Variants in LRRC7 observed in about 807,000 individuals in gnomAD.
The protein encoded by LRRC7 is leucine-rich repeat-containing protein 7.
Under a neutral mutation model 175.7 loss-of-function variants are expected in LRRC7, and 23 were observed. The observed-to-expected ratio is 0.13, with a 90% confidence interval of 0.09 to 0.19. LRRC7 has a LOEUF of 0.19. LRRC7 is among the 10% of genes least tolerant of loss of function. LRRC7 has a pLI of 1.00. For synonymous variants in LRRC7, 685 were observed against 680.9 expected, an observed-to-expected ratio of 1.01 and a Z score of -0.09; for missense variants, 1,354 against 1,904.7, an observed-to-expected ratio of 0.71 and a Z score of 5.38.
intron 2 of LRRC7, among the ~76,000 whole-genome samples, chr1:69,717,836 A>AGGG (rs1665670428): frequency 1.5e-5 from 1 of 66,950 alleles, no homozygotes; most frequent in African/African-American, 7.4e-5. Flanking sequence ...GAAAGAAAGA[A>AGGG]AGAAAAAAGA....
At chr1:69,824,871 C>A (rs1428455016) in intron 4 of LRRC7, among the ~76,000 whole-genome samples, 1 of 152,134 alleles carries the variant, frequency 6.6e-6, no homozygotes, top group Non-Finnish European at 1.5e-5. Flanking sequence ...GTACTGCAGG[C>A]ATATCGCATA....
chr1:69,686,965 A>C (rs1661225762), intron 2 of LRRC7, among the ~76,000 whole-genome samples: 1 of 152,222 alleles, frequency 6.6e-6, no homozygotes, highest in African/African-American at 2.4e-5. Flanking sequence ...TATTAATATC[A>C]AGATAAAGGT....
At chr1:69,947,909 G>A (rs911215602) in intron 8 of LRRC7, among the ~76,000 whole-genome samples, 6 of 152,034 alleles carry the variant, frequency 3.9e-5, no homozygotes, top group African/African-American at 9.7e-5. Context: ...TTATGCAAAT[G>A]TGATCTCTCT....
intron 24 of LRRC7, among the ~76,000 whole-genome samples, chr1:70,087,002 A>G (rs905616030): frequency 8.5e-5 from 13 of 152,308 alleles, no homozygotes; most frequent in Admixed American, 6.5e-4. Context: ...AGTAGTCACA[A>G]TACAACCTAT....
chr1:69,768,938 T>C (rs932461545), intron 3 of LRRC7, among the ~76,000 whole-genome samples: 1 of 152,190 alleles, frequency 6.6e-6, no homozygotes, highest in African/African-American at 2.4e-5. Flanking sequence ...CAAGATGTCA[T>C]GGAATGTGCT....
chr1:69,958,393 G>A (rs1401718235), intron 8 of LRRC7, among the ~76,000 whole-genome samples: 1 of 151,958 alleles, frequency 6.6e-6, no homozygotes, highest in Non-Finnish European at 1.5e-5. Flanking sequence ...GTGTGAATGG[G>A]AGATAAGGAA....
chr1:69,911,966 A>G (rs1343102313), intron 7 of LRRC7, among the ~76,000 whole-genome samples: 1 of 152,206 alleles, frequency 6.6e-6, no homozygotes, highest in Non-Finnish European at 1.5e-5. Context: ...TAAGAAAACA[A>G]CACAGTATAA....
chr1:70,134,027 G>A lies in LRRC7; in HGVS notation c.*12140G>A, dbSNP rs542503828. Among the ~76,000 whole-genome samples, 2 of 152,228 alleles carry A rather than the reference G, an allele frequency of 1.3e-5. No homozygotes were observed. The highest frequency in any genetic ancestry group is 4.2e-4 in the South Asian group (2 of 4,808). The stretch of plus-strand genomic sequence containing the variant: ...CCAATCTGAATATGTGTGCATCTGG[G>A]TATAGCTTTATTTCCATCTGGCAAT... On this transcript the variant is annotated 3_prime_UTR_variant, in exon 27 of 27. Transcript: ENST00000651989.
intron 7 of LRRC7, among the ~76,000 whole-genome samples, chr1:69,925,974 G>A (rs1445126882): frequency 4.6e-5 from 7 of 151,076 alleles, no homozygotes; most frequent in Non-Finnish European, 3.0e-5. Flanking sequence ...TGCTTTGAAT[G>A]TGTCCCAGAG....
intron 2 of LRRC7, among the ~76,000 whole-genome samples, chr1:69,725,067 A>G (rs1285136534): frequency 6.6e-6 from 1 of 152,128 alleles, no homozygotes; most frequent in Non-Finnish European, 1.5e-5. Context: ...GACAATTAAT[A>G]TATATACATG....
chr1:69,721,983 A>T (rs1464289978), intron 2 of LRRC7, among the ~76,000 whole-genome samples: 1 of 151,920 alleles, frequency 6.6e-6, no homozygotes, highest in Non-Finnish European at 1.5e-5. Flanking sequence ...AGCTCATGTG[A>T]TTCAAAAATC....
intron 2 of LRRC7, among the ~76,000 whole-genome samples, chr1:69,715,437 T>C (rs1346013155): frequency 2.0e-5 from 3 of 152,134 alleles, no homozygotes; most frequent in Non-Finnish European, 4.4e-5. Flanking sequence ...AATAAATGTA[T>C]AGAATACAAA....
chr1:69,678,523 G>A, intron 2 of LRRC7, 45 bp downstream of exon 2: 1 of 1,383,004 alleles, frequency 7.2e-7, no homozygotes, highest in Admixed American at 1.9e-5. Flanking sequence ...ATAGATTTTG[G>A]TGAGTAGCAT....
At chr1:70,085,023 T>C (rs892774298) in intron 24 of LRRC7, among the ~76,000 whole-genome samples, 1 of 152,158 alleles carries the variant, frequency 6.6e-6, no homozygotes, top group African/African-American at 2.4e-5. Flanking sequence ...GTAAAAGTTA[T>C]CTATATATTC....
intron 3 of LRRC7, among the ~76,000 whole-genome samples, chr1:69,784,586 G>A (rs1299877084): frequency 6.6e-6 from 1 of 152,044 alleles, no homozygotes; most frequent in Non-Finnish European, 1.5e-5. Context: ...TTTCTTAACT[G>A]TTGTCTCCCT....
intron 18 of LRRC7, among the ~76,000 whole-genome samples, chr1:70,032,600 A>AT (rs1221302232): frequency 1.3e-5 from 2 of 152,060 alleles, no homozygotes; most frequent in Non-Finnish European, 2.9e-5. Context: ...AATGTTCTGC[A>AT]TTTTTCCCTT....
chr1:69,646,569 A>T (rs1570145431), intron 1 of LRRC7, among the ~76,000 whole-genome samples: 1 of 151,712 alleles, frequency 6.6e-6, no homozygotes, highest in Admixed American at 6.6e-5. Flanking sequence ...CCTTGATGAA[A>T]CTCCTTGGCT....
chr1:69,858,499 C>T, intron 7 of LRRC7, among the ~76,000 whole-genome samples: 1 of 151,514 alleles, frequency 6.6e-6, no homozygotes, highest in East Asian at 1.9e-4. Context: ...CCAGGCTACA[C>T]CAATATTAGC....
rs968516232 is a variant in LRRC7 at position 70,133,946 on chromosome 1, C to T, written c.*12059C>T. Among the ~76,000 whole-genome samples the T allele has an allele frequency of 1.3e-5, 2 of 152,274 alleles. No homozygotes were observed. Among genetic ancestry groups the T allele is most frequent in the East Asian group, 3.9e-4 (2 of 5,184 alleles). On this transcript the variant is annotated 3_prime_UTR_variant, in exon 27 of 27. Coordinates refer to ENST00000651989, the MANE Select transcript of LRRC7 (RefSeq NM_001370785.2). Reference sequence around the variant, plus strand: ...TAAAGTTAACTTTCCAAAACTTAAACATCAGGAACTGTGGTTAAGTTTGCC... The same window carrying T: ...TAAAGTTAACTTTCCAAAACTTAAATATCAGGAACTGTGGTTAAGTTTGCC...
Sources: gnomAD v4.1 joint callset for allele counts (sites outside exome capture counted in the v4.1 genomes callset) on GRCh38, gnomAD v4.1.1 for gene constraint, MANE v1.5 for transcripts, NCBI Gene and HGNC (gene_info 2026-07-23, HGNC 2026-07-21) for gene names.